The following DMXL2 variants were observed in gnomAD, a reference collection of about 807,000 sequenced individuals.
DMXL2 encodes dmX-like protein 2.
DMXL2 carries 103 observed loss-of-function variants against 331.1 expected under a neutral mutation model. The ratio of observed to expected loss-of-function variants is 0.31; its 90% confidence interval spans 0.27 to 0.37. DMXL2 has a LOEUF of 0.37. Ranked by LOEUF, DMXL2 falls within the 10% of genes least tolerant of loss-of-function variation. The pLI, the probability that DMXL2 is intolerant of heterozygous loss-of-function variation, is 1.00. For synonymous variants in DMXL2, 1,281 were observed against 1,252.1 expected, an observed-to-expected ratio of 1.02 and a Z score of -0.49; for missense variants, 3,171 against 3,642.9, an observed-to-expected ratio of 0.87 and a Z score of 3.33.
chr15:51,578,671 T>C (rs535329646), intron 1 of DMXL2, among the ~76,000 whole-genome samples: 30 of 152,310 alleles, frequency 2.0e-4, no homozygotes, highest in African/African-American at 6.3e-4. Flanking sequence ...TAAGTATATA[T>C]ACAAAAGTTT....
At chr15:51,607,297 A>G (rs893301563) in intron 1 of DMXL2, among the ~76,000 whole-genome samples, 1 of 151,802 alleles carries the variant, frequency 6.6e-6, no homozygotes, top group Non-Finnish European at 1.5e-5. Context: ...TCTACTAAAA[A>G]TACAAAAAAT....
intron 1 of DMXL2, among the ~76,000 whole-genome samples, chr15:51,604,979 A>G (rs1483224802): frequency 6.6e-6 from 1 of 152,160 alleles, no homozygotes; most frequent in African/African-American, 2.4e-5. Context: ...TACAAAGGCA[A>G]TTCAATGGAG....
rs111289732 is a variant in DMXL2 at position 51,607,817 on chromosome 15, TC to T, written c.87+14641del. ...AACAGTAGAGACCAGAAGACTATAA[TC>T]CTCAAGGTGCTGAAAGAAAACACTG... On this transcript the variant is annotated intron_variant, in intron 1 of 43. Coordinates refer to ENST00000560891, the MANE Select transcript of DMXL2 (RefSeq NM_001378457.1). Among the ~76,000 whole-genome samples, 72 of 152,268 alleles carry T rather than the reference TC, an allele frequency of 4.7e-4. 1 individual carries two copies. The highest frequency in any genetic ancestry group is 1.6e-3 in the African/African-American group (66 of 41,546).
intron 13 of DMXL2, among the ~76,000 whole-genome samples, chr15:51,521,414 C>CTAGTAGTAGTAGTAG (rs10667947): frequency 7.0e-4 from 100 of 142,006 alleles, no homozygotes; most frequent in African/African-American, 1.4e-3. Context: ...TAAAAGTTTG[C>CTAGTAGTAGTAGTAG]TAGTAGTAGT....
intron 1 of DMXL2, among the ~76,000 whole-genome samples, chr15:51,587,579 T>C (rs1595631700): frequency 6.6e-6 from 1 of 152,358 alleles, no homozygotes; most frequent in East Asian, 1.9e-4. Context: ...TGTTGGATAT[T>C]TGGGTTGGTT....
intron 8 of DMXL2, 58 bp downstream of exon 8, chr15:51,545,525 T>C: frequency 6.6e-7 from 1 of 1,509,914 alleles, no homozygotes; most frequent in Non-Finnish European, 9.1e-7. Context: ...AGTTCATGAA[T>C]TTCCACCAGG....
Position 51,476,607 on chromosome 15 carries a change from A to G in DMXL2, c.6946T>C (p.Ser2316Pro), listed in dbSNP as rs143148315. 895 of 1,608,300 alleles carry G rather than the reference A, an allele frequency of 5.6e-4. No homozygotes were observed. The highest frequency in any genetic ancestry group is 7.1e-4 in the Non-Finnish European group (838 of 1,178,232). The change falls in exon 27 of 44, where the codon TCT (serine) becomes CCT (proline). Residue 2316 changes from serine to proline, a missense_variant. By Grantham distance (74) the Ser-to-Pro change is moderately conservative. Coordinates refer to ENST00000560891, the MANE Select transcript of DMXL2 (RefSeq NM_001378457.1). ...SIEEHATPNS[S>P]PAQWPGVSSL... is the part of the protein sequence containing the mutation. ...TTCTCACCAGGCCATTGAGCAGGAGATGAATTTGGTGTTGCGTGTTCTTCA... is the reference window on the plus strand; with the variant it reads ...TTCTCACCAGGCCATTGAGCAGGAGGTGAATTTGGTGTTGCGTGTTCTTCA...
At chr15:51,479,211 C>A (rs186081166) in intron 25 of DMXL2, among the ~76,000 whole-genome samples, 3 of 152,240 alleles carry the variant, frequency 2.0e-5, no homozygotes, top group Admixed American at 1.3e-4. Flanking sequence ...TTGGTTATGA[C>A]CAGGCCTTTA....
chr15:51,480,890 T>C lies in DMXL2; in HGVS notation c.6216A>G (p.Gln2072=), dbSNP rs760323143. Residue 2072 remains glutamine, a synonymous_variant, in exon 24 of 44, where the codon CAA becomes CAG. Transcript: ENST00000560891. ...YEVDGGKLRF[Q]LYNWLEKEIA... Reference sequence around the variant, plus strand: ...TTTCCTTTTCAAGCCAGTTATAGAGTTGAAATCTGAGTTTTCCTCCATCTA... The same window carrying C: ...TTTCCTTTTCAAGCCAGTTATAGAGCTGAAATCTGAGTTTTCCTCCATCTA... The C allele has an allele frequency of 6.2e-6, 10 of 1,612,824 alleles. No homozygotes were observed. In the Admixed American group the frequency reaches 1.7e-4, roughly 27 times the overall value.
intron 16 of DMXL2, among the ~76,000 whole-genome samples, chr15:51,503,522 A>C (rs1026080745): frequency 6.6e-6 from 1 of 152,182 alleles, no homozygotes; most frequent in Non-Finnish European, 1.5e-5. Flanking sequence ...GAGCTAAGAA[A>C]GTGGATCTCA....
At chr15:51,528,199 CAAAT>C (rs1249602501) in intron 13 of DMXL2, among the ~76,000 whole-genome samples, 2 of 152,046 alleles carry the variant, frequency 1.3e-5, no homozygotes, top group Non-Finnish European at 1.5e-5. Context: ...CAACCAGAAA[CAAAT>C]AACAAAATGG....
In DMXL2 at chr15:51,486,089, C is replaced by T; in HGVS notation, c.5466G>A (p.Glu1822=). Residue 1822 remains glutamate, a synonymous_variant, in exon 23 of 44, where the codon GAG becomes GAA. Transcript: ENST00000560891. ...ACGTCCTACCTTGATGTTCATCATC[C>T]TCCTTTGGTGTTTGTTCCAGTAATG... The part of the protein sequence containing the change: ...LDTLLEQTPK[E]DDEHQVIIKS... 1 of 1,599,450 alleles carries T rather than the reference C, an allele frequency of 6.3e-7. No homozygotes were observed. The highest frequency in any genetic ancestry group is 8.5e-7 in the Non-Finnish European group (1 of 1,170,706).
chr15:51,569,967 CAG>C (rs981386593), intron 2 of DMXL2, among the ~76,000 whole-genome samples: 11 of 151,952 alleles, frequency 7.2e-5, no homozygotes, highest in African/African-American at 2.4e-4. Context: ...AAGTAGGCTT[CAG>C]AAGGTGGGTA....
chr15:51,603,749 T>A (rs2053387426), intron 1 of DMXL2: 1 of 151,692 alleles, frequency 6.6e-6, no homozygotes, highest in Non-Finnish European at 1.5e-5. Context: ...GCACCAGTAG[T>A]CCCAGCTAGT....
rs1402242206 is a variant in DMXL2 at position 51,455,212 on chromosome 15, C to A, written c.8543G>T (p.Gly2848Val). The A allele has an allele frequency of 6.2e-7, 1 of 1,613,942 alleles. No homozygotes were observed. The stretch of plus-strand genomic sequence containing the variant: ...TTGCCAGATACTCAGAAAACCCTCT[C>A]CATCCGCAACACCACACTGTAAGAA... Reference protein sequence around the residue: ...SQGNKCGVADGEGFLSIWQVN... With the variant: ...SQGNKCGVADVEGFLSIWQVN... Residue 2848 changes from glycine to valine, a missense_variant, in exon 40 of 44, where the codon GGA (glycine) becomes GTA (valine). This residue lies in a region of DMXL2 where 766 missense variants were observed against 940.5 expected (regional missense o/e 0.81). Transcript: ENST00000560891.
Position 51,495,078 on chromosome 15 carries a change from T to A in DMXL2, c.4729A>T (p.Thr1577Ser). 6.2e-7 allele frequency: 1 copy of A among 1,613,498 alleles called. No homozygotes were observed. Among genetic ancestry groups the A allele is most frequent in the Non-Finnish European group, 8.5e-7 (1 of 1,179,520 alleles). Residue 1577 changes from threonine (T) to serine (S), a missense_variant, in exon 19 of 44, where the codon ACA becomes TCA. This residue lies in a region of DMXL2 where 252 missense variants were observed against 387.4 expected (regional missense o/e 0.65). Coordinates refer to ENST00000560891, the MANE Select transcript of DMXL2 (RefSeq NM_001378457.1). Reference protein sequence around the residue: ...LRYLLAMRLHTCLLTSLPPLY... With the variant: ...LRYLLAMRLHSCLLTSLPPLY... Reference sequence around the variant, plus strand: ...GGAGGCAGCGATGTCAAAAGGCATGTGTGTAGGCGCATAGCTAACAAGTAT... The same window carrying A: ...GGAGGCAGCGATGTCAAAAGGCATGAGTGTAGGCGCATAGCTAACAAGTAT...
intron 6 of DMXL2, among the ~76,000 whole-genome samples, chr15:51,552,698 T>C (rs1469083297): frequency 6.6e-6 from 1 of 152,232 alleles, no homozygotes; most frequent in Non-Finnish European, 1.5e-5. Context: ...CATTTCTTAA[T>C]GTTTGAGGAT....
At chr15:51,612,497 G>C (rs1192056186) in intron 1 of DMXL2, among the ~76,000 whole-genome samples, 1 of 152,108 alleles carries the variant, frequency 6.6e-6, no homozygotes, top group Admixed American at 6.6e-5. Flanking sequence ...TTAAAGCTGG[G>C]TGTCCGGGGG....
At chr15:51,559,077 T>C (rs946892709) in intron 6 of DMXL2, among the ~76,000 whole-genome samples, 1 of 152,136 alleles carries the variant, frequency 6.6e-6, no homozygotes, top group Non-Finnish European at 1.5e-5. Context: ...TTATGTAACA[T>C]AGGAAAACCC....
Sources: gnomAD v4.1 joint callset for allele counts (sites outside exome capture counted in the v4.1 genomes callset) on GRCh38, gnomAD v4.1.1 for gene constraint, gnomAD v4.1.1 regional missense constraint, MANE v1.5 for transcripts, NCBI Gene and HGNC (gene_info 2026-07-23, HGNC 2026-07-21) for gene names.